CHST15: variants seen among roughly 807,000 people sequenced by gnomAD.
The protein encoded by CHST15 is carbohydrate sulfotransferase 15, also known as B cell RAG associated protein (GALNAC4S-6ST).
In CHST15, 30 loss-of-function variants were observed where a neutral mutation model predicts 53.6. The observed-to-expected ratio is 0.56, with a 90% CI of 0.42 to 0.76. The LOEUF (loss-of-function observed/expected upper bound fraction) is 0.76, where lower values mean the gene tolerates loss of function less well. CHST15 is among the 30% of genes least tolerant of loss of function. CHST15 has a pLI of 0.00. For synonymous variants in CHST15, 296 were observed against 289.8 expected (o/e 1.02, Z -0.22); for missense variants, 627 against 740.5 (o/e 0.85, Z 1.78).
chr10:124,045,128 A>C lies in CHST15; in HGVS notation c.547-209T>G, dbSNP rs1454310315. Among the ~76,000 whole-genome samples the C allele has an allele frequency of 4.1e-5, 6 of 144,752 alleles. No individual in the cohort carries two copies. The East Asian group carries it at 5.8e-4, about 14-fold the overall frequency. The allele number at this position is 144,752 out of a possible 152,430, so 95.0% of individuals were successfully genotyped here. A position where few individuals can be genotyped will look rare whatever the true frequency, so the allele number is the denominator to read the frequency against. On this transcript the variant is annotated intron_variant, in intron 2 of 7. Transcript: ENST00000435907. Reference sequence around the variant, plus strand: ...GCCGCCCCACAAAAAAAAAAAAAAAAAAAAAAAAAAAAAAAACTTGGAGAG... The same window carrying C: ...GCCGCCCCACAAAAAAAAAAAAAAACAAAAAAAAAAAAAAAACTTGGAGAG...
At chr10:124,067,187 T>C (rs534373353) in intron 1 of CHST15, among the ~76,000 whole-genome samples, 1 of 152,322 alleles carries the variant, frequency 6.6e-6, no homozygotes, top group South Asian at 2.1e-4. Context: ...AAAGAAGAGA[T>C]TAGGAACATT....
chr10:124,053,506 T>A (rs1948275179), intron 1 of CHST15, among the ~76,000 whole-genome samples: 1 of 151,654 alleles, frequency 6.6e-6, no homozygotes, highest in South Asian at 2.1e-4. Context: ...TTCTTTTTTT[T>A]TTTTCAAGAC....
rs1564868313 is a variant in CHST15 at position 124,034,788 on chromosome 10, G to GCCGGCTCCGCCCCTAACGGGGACC, written c.1190+3703_1190+3726dup. On this transcript the variant is annotated intron_variant, in intron 5 of 7. Transcript: ENST00000435907. ...GCCGGCTCCACCCCCTAACAGGGAC[G>GCCGGCTCCGCCCCTAACGGGGACC]CCGGCTCCGCCCCTAACGGGGACCC... Among the ~76,000 whole-genome samples, 423 of 115,608 alleles carry GCCGGCTCCGCCCCTAACGGGGACC rather than the reference G, an allele frequency of 3.7e-3. 31 individuals are homozygous for GCCGGCTCCGCCCCTAACGGGGACC. In the East Asian group the frequency reaches 0.044, roughly 12 times the overall value. 75.8% of individuals were successfully genotyped at this position (115,608 alleles called of 152,430 possible). A position where few individuals can be genotyped will look rare whatever the true frequency, so the allele number is the denominator to read the frequency against.
At chr10:124,079,554 A>G (rs1488943354) in intron 1 of CHST15, among the ~76,000 whole-genome samples, 1 of 152,212 alleles carries the variant, frequency 6.6e-6, no homozygotes, top group Non-Finnish European at 1.5e-5. Flanking sequence ...ACGGTTACCC[A>G]GGTTAACAGC....
rs550796211 is a variant in CHST15 at position 124,046,106 on chromosome 10, G to A, written c.107C>T (p.Thr36Met). 194 of 1,614,212 alleles carry A rather than the reference G, an allele frequency of 1.2e-4. No individual in the cohort carries two copies. Among genetic ancestry groups the A allele is most frequent in the South Asian group, 4.3e-4 (39 of 91,086 alleles). Residue 36 changes from threonine (T) to methionine (M), a missense_variant, in exon 2 of 8, where the codon ACG becomes ATG. Physicochemically the swap from Thr to Met is moderately conservative, Grantham distance 81 (BLOSUM62 -1). Transcript: ENST00000435907. ...GPHHGHQACP[T>M]CKGENKILFR... ...CAGAATTTTGTTTTCTCCTTTGCAC[G>A]TGGGGCACGCCTGGTGACCGTGATG... is the stretch of plus-strand genomic sequence containing the variant.
At chr10:124,033,867 C>T (rs931038013) in intron 5 of CHST15, among the ~76,000 whole-genome samples, 1 of 152,200 alleles carries the variant, frequency 6.6e-6, no homozygotes, top group Admixed American at 6.5e-5. Context: ...AAGTAGAGGA[C>T]CCAGTAAAGC....
intron 1 of CHST15, among the ~76,000 whole-genome samples, chr10:124,059,073 G>T (rs888417707): frequency 6.6e-6 from 1 of 152,130 alleles, no homozygotes; most frequent in African/African-American, 2.4e-5. Flanking sequence ...GAGACTCAAG[G>T]CCTAGGCTGA....
intron 5 of CHST15, among the ~76,000 whole-genome samples, chr10:124,035,265 A>AC (rs1554906999): frequency 3.1e-4 from 19 of 61,460 alleles, no homozygotes; most frequent in South Asian, 5.5e-4. Flanking sequence ...CCCTGGCTCC[A>AC]CCCCTAACAG....
chr10:124,084,235 C>T (rs375087476), intron 1 of CHST15, among the ~76,000 whole-genome samples: 1 of 152,174 alleles, frequency 6.6e-6, no homozygotes, highest in Non-Finnish European at 1.5e-5. Context: ...TTGGTACCTG[C>T]CTCTCGGGGA....
chr10:124,045,782 G>C lies in CHST15; in HGVS notation c.431C>G (p.Ser144Ter). ...HHHQSSVNNI[S>*]YMKDYPSIKL... ...AATGCTTGGATAGTCCTTCATGTAT[G>C]AAATATTATTTACAGAGGATTGGTG... The change falls in exon 2 of 8, where the codon TCA becomes TGA. Residue 144 changes from serine (S) to a stop codon, truncating the protein, a stop_gained. Coordinates refer to ENST00000435907, the MANE Select transcript of CHST15 (RefSeq NM_001270764.2). LOFTEE classifies it high-confidence loss of function. 6.2e-7 allele frequency: 1 copy of C among 1,614,162 alleles called. No homozygotes were observed. Among genetic ancestry groups the C allele is most frequent in the Non-Finnish European group, 8.5e-7 (1 of 1,180,036 alleles).
At chr10:124,072,822 G>A (rs562185975) in intron 1 of CHST15, among the ~76,000 whole-genome samples, 7 of 152,176 alleles carry the variant, frequency 4.6e-5, no homozygotes, top group Admixed American at 2.0e-4. Context: ...GGAGGGACAG[G>A]TGCATCTTTC....
At chr10:124,034,041 C>T (rs1378089578) in intron 5 of CHST15, among the ~76,000 whole-genome samples, 2 of 152,218 alleles carry the variant, frequency 1.3e-5, no homozygotes, top group East Asian at 1.9e-4. Flanking sequence ...AGCACCAGGA[C>T]ATGAGCCATG....
chr10:124,068,131 C>T (rs963379296), intron 1 of CHST15, among the ~76,000 whole-genome samples: 7 of 152,178 alleles, frequency 4.6e-5, no homozygotes, highest in African/African-American at 1.7e-4. Flanking sequence ...CGAGCTCTCA[C>T]CTGCTCGGGG....
intron 1 of CHST15, among the ~76,000 whole-genome samples, chr10:124,072,692 C>G (rs902708511): frequency 9.9e-5 from 15 of 152,172 alleles, no homozygotes; most frequent in African/African-American, 3.6e-4. Context: ...ATGCAGACAC[C>G]CAAAGCATGG....
chr10:124,018,192 C>A (rs74713446), intron 6 of CHST15, among the ~76,000 whole-genome samples: 2,035 of 152,344 alleles, frequency 0.013, 34 homozygotes, highest in African/African-American at 0.043. Context: ...GGGTCCTGCA[C>A]CCCCTGACCC....
intron 5 of CHST15, among the ~76,000 whole-genome samples, chr10:124,032,592 AC>A (rs1391495075): frequency 6.6e-6 from 1 of 152,218 alleles, no homozygotes; most frequent in African/African-American, 2.4e-5. Context: ...AATAGTCTTT[AC>A]CACTTACGAA....
intron 1 of CHST15, among the ~76,000 whole-genome samples, chr10:124,077,347 CA>C (rs1949108411): frequency 6.6e-6 from 1 of 152,180 alleles, no homozygotes; most frequent in South Asian, 2.1e-4. Context: ...TCTCGAACAG[CA>C]TCTTCTCTAA....
At chr10:124,023,694 C>T (rs9422310) in intron 5 of CHST15, among the ~76,000 whole-genome samples, 63,019 of 151,714 alleles carry the variant, frequency 0.42, 14,284 homozygotes, top group East Asian at 0.91. Context: ...TACGTGGCTC[C>T]ACAGGGTCAC....
At position 124,009,690 on chromosome 10, in the gene CHST15, C is replaced by T. The variant is rs1201954198; in HGVS notation, c.*459G>A. On this transcript the variant is annotated 3_prime_UTR_variant, in exon 8 of 8. Coordinates refer to ENST00000435907, the MANE Select transcript of CHST15 (RefSeq NM_001270764.2). ...TTGAATACAGACAGTCTGTGCAACA[C>T]GGCGAGACCCCATCTCTAGGGGGAA... The T allele has an allele frequency of 6.9e-6, 7 of 1,019,106 alleles. No homozygotes were observed. Among genetic ancestry groups the T allele is most frequent in the East Asian group, 2.0e-4 (2 of 9,904 alleles). The allele number at this position is 1,019,106 out of a possible 1,614,324, so 63.1% of individuals were successfully genotyped here. A position where few individuals can be genotyped will look rare whatever the true frequency, so the allele number is the denominator to read the frequency against.
Sources: allele counts gnomAD v4.1 joint callset (sites outside exome capture counted in the v4.1 genomes callset), GRCh38; gene constraint gnomAD v4.1.1; transcripts MANE v1.5; gene names NCBI Gene and HGNC (gene_info 2026-07-23, HGNC 2026-07-21).